The following TMEM132C variants were observed in gnomAD, a reference collection of about 807,000 sequenced individuals.
TMEM132C encodes protein phosphatase 1, regulatory subunit 152.
A neutral mutation model predicts 61.4 loss-of-function variants in TMEM132C; 29 were observed. The ratio of observed to expected loss-of-function variants is 0.47; its 90% CI spans 0.35 to 0.64. The LOEUF (loss-of-function observed/expected upper bound fraction) is 0.64, where lower values mean the gene tolerates loss of function less well. Among genes scored for constraint, TMEM132C ranks in the 30% least tolerant of loss-of-function variants. The pLI is 0.00. For synonymous variants in TMEM132C, 656 were observed against 633.1 expected (o/e 1.04, Z -0.54); for missense variants, 1,408 against 1,476.9 (o/e 0.95, Z 0.76).
chr12:128,427,292 C>T (rs942675192), intron 2 of TMEM132C, among the ~76,000 whole-genome samples: 1 of 152,004 alleles, frequency 6.6e-6, no homozygotes, highest in South Asian at 2.1e-4. Flanking sequence ...TTCCTGGAAC[C>T]ACCTTGCTGT....
At chr12:128,560,685 C>T (rs917037629) in intron 3 of TMEM132C, among the ~76,000 whole-genome samples, 2 of 152,224 alleles carry the variant, frequency 1.3e-5, no homozygotes, top group African/African-American at 2.4e-5. Flanking sequence ...AAGTGCCTAT[C>T]GCCCTCACGT....
In TMEM132C at chr12:128,415,434, C is replaced by A. The variant is rs560289448; in HGVS notation, c.788C>A (p.Thr263Lys). The change falls in exon 2 of 9, where the codon ACG (threonine) becomes AAG (lysine). Residue 263 changes from threonine to lysine, a missense_variant. Thr to Lys is a moderately conservative substitution (Grantham distance 78, BLOSUM62 -1). Coordinates refer to ENST00000435159, the MANE Select transcript of TMEM132C (RefSeq NM_001136103.3). This position sits in a 1 kb window ranked among gnomAD's most constrained non-coding sequence, Gnocchi z 5.8. ...GGAAAGGATGGGCTGGAGGAAACCA[C>A]GTCCCACCTGCAGAGGATCGGCACC... The part of the protein sequence containing the change: ...RPGKDGLEET[T>K]SHLQRIGTVG... The A allele has an allele frequency of 1.9e-6, 3 of 1,551,412 alleles. No individual in the cohort carries two copies. The highest frequency in any genetic ancestry group is 1.4e-5 in the African/African-American group (1 of 73,048).
intron 1 of TMEM132C, among the ~76,000 whole-genome samples, chr12:128,281,486 T>C (rs1870894829): frequency 6.6e-6 from 1 of 152,224 alleles, no homozygotes; most frequent in African/African-American, 2.4e-5. Context: ...TAGTAAAATG[T>C]GTCTCATGGA....
At chr12:128,628,785 G>T (rs1954041654) in intron 4 of TMEM132C, among the ~76,000 whole-genome samples, 1 of 152,194 alleles carries the variant, frequency 6.6e-6, no homozygotes. Flanking sequence ...GCCAAGCACA[G>T]CTCCTTCCTC....
chr12:128,648,121 G>C (rs371367967), intron 4 of TMEM132C, among the ~76,000 whole-genome samples: 407 of 151,504 alleles, frequency 2.7e-3, no homozygotes, highest in Middle Eastern at 0.011. Flanking sequence ...GTGTTTACTG[G>C]AGTCCATTAG....
chr12:128,436,918 T>C (rs1382341404), intron 2 of TMEM132C, among the ~76,000 whole-genome samples: 1 of 152,208 alleles, frequency 6.6e-6, no homozygotes, highest in Non-Finnish European at 1.5e-5. Flanking sequence ...AATGATAGAC[T>C]GGATTAAGAA....
chr12:128,554,455 A>G (rs1379906722), intron 3 of TMEM132C, among the ~76,000 whole-genome samples: 1 of 152,216 alleles, frequency 6.6e-6, no homozygotes, highest in Non-Finnish European at 1.5e-5. Context: ...AAATCTTTCA[A>G]TTTTTTAACA....
chr12:128,337,306 T>C (rs73434633), intron 1 of TMEM132C, among the ~76,000 whole-genome samples: 1,563 of 152,256 alleles, frequency 0.01, 33 homozygotes, highest in African/African-American at 0.036. Flanking sequence ...TATGCTGGGG[T>C]TTGACTCCTT....
Position 128,695,818 on chromosome 12 carries a change from C to G in TMEM132C, c.1656-12C>G. The G allele has an allele frequency of 2.6e-6, 4 of 1,532,012 alleles. No individual in the cohort carries two copies. Among genetic ancestry groups the G allele is most frequent in the Non-Finnish European group, 3.5e-6 (4 of 1,135,724 alleles). The allele number at this position is 1,532,012 out of a possible 1,614,324, so 94.9% of individuals were successfully genotyped here. On this transcript the variant is annotated splice_polypyrimidine_tract_variant and intron_variant, in intron 6 of 8. Coordinates refer to ENST00000435159, the MANE Select transcript of TMEM132C (RefSeq NM_001136103.3). ...TCCCTGGATCTGAGAGCTCTTTGTC[C>G]CTTCCCACAAGGCCCACTCGTGAGA...
At chr12:128,663,933 C>A (rs554147622) in intron 4 of TMEM132C, among the ~76,000 whole-genome samples, 1 of 132,218 alleles carries the variant, frequency 7.6e-6, no homozygotes, top group Non-Finnish European at 1.6e-5. Flanking sequence ...TGCACGCACG[C>A]GGACACTCAC....
intron 4 of TMEM132C, among the ~76,000 whole-genome samples, chr12:128,639,927 TC>T (rs1954144840): frequency 6.6e-6 from 1 of 152,232 alleles, no homozygotes; most frequent in African/African-American, 2.4e-5. Flanking sequence ...TTTGTCAGAA[TC>T]TTAAGATGAA....
At chr12:128,292,483 G>A (rs902755072) in intron 1 of TMEM132C, among the ~76,000 whole-genome samples, 1 of 152,086 alleles carries the variant, frequency 6.6e-6, no homozygotes, top group Non-Finnish European at 1.5e-5. Flanking sequence ...CATAGATTTT[G>A]TCTCTGTTGC....
chr12:128,362,238 G>A (rs1334074741), intron 1 of TMEM132C, among the ~76,000 whole-genome samples: 1 of 152,020 alleles, frequency 6.6e-6, no homozygotes, highest in African/African-American at 2.4e-5. Flanking sequence ...AGCAAACGGT[G>A]CTGGAAACTC....
Position 128,684,705 on chromosome 12 carries a change from C to T in TMEM132C, c.1450-9124C>T, listed in dbSNP as rs907940282. Among the ~76,000 whole-genome samples, 78 of 152,202 alleles carry T rather than the reference C, an allele frequency of 5.1e-4. 2 individuals carry two copies. The highest frequency in any genetic ancestry group is 3.9e-3 in the Admixed American group (60 of 15,278). The stretch of plus-strand genomic sequence containing the variant: ...GAATTCTCTTTGGCCATCGTTTCAC[C>T]GGGCAAGATGTAAAAGGGAGGGGAA... On this transcript the variant is annotated intron_variant, in intron 5 of 8. Coordinates refer to ENST00000435159, the MANE Select transcript of TMEM132C (RefSeq NM_001136103.3).
chr12:128,626,939 A>C (rs1249235804), intron 4 of TMEM132C, among the ~76,000 whole-genome samples: 1 of 152,106 alleles, frequency 6.6e-6, no homozygotes, highest in Admixed American at 6.5e-5. Flanking sequence ...CTGCCACCCC[A>C]GCCTGCCGAG....
At chr12:128,288,409 T>C in intron 1 of TMEM132C, 1 of 152,576 alleles carries the variant, frequency 6.6e-6, no homozygotes, top group Non-Finnish European at 1.5e-5. Flanking sequence ...TCAGAAGCCC[T>C]CTGCCTCTGA....
At chr12:128,329,095 A>G (rs1164855047) in intron 1 of TMEM132C, among the ~76,000 whole-genome samples, 2 of 152,190 alleles carry the variant, frequency 1.3e-5, no homozygotes, top group African/African-American at 4.8e-5. Flanking sequence ...TTTGAGTGAC[A>G]AATCCAGCGC....
intron 1 of TMEM132C, among the ~76,000 whole-genome samples, chr12:128,374,888 T>G (rs1446320648): frequency 1.5e-5 from 2 of 136,054 alleles, no homozygotes; most frequent in African/African-American, 5.7e-5. Flanking sequence ...GCCACTGCAC[T>G]CCAGCCTGGG....
chr12:128,284,924 C>T (rs1315990944), intron 1 of TMEM132C, among the ~76,000 whole-genome samples: 2 of 152,054 alleles, frequency 1.3e-5, no homozygotes, highest in Non-Finnish European at 2.9e-5. Flanking sequence ...TTGCTTGAGC[C>T]CAGGAGTTCA....
Sources: allele counts gnomAD v4.1 joint callset (sites outside exome capture counted in the v4.1 genomes callset), GRCh38; gene constraint gnomAD v4.1.1; non-coding constraint Gnocchi (gnomAD v3.1); transcripts MANE v1.5; gene names NCBI Gene and HGNC (gene_info 2026-07-23, HGNC 2026-07-21).